The following LDB3 variants were observed in gnomAD, a reference collection of about 807,000 sequenced individuals.
The protein encoded by LDB3 is LIM domain-binding protein 3.
In LDB3, 49 loss-of-function variants were observed where a neutral mutation model predicts 69.0. That is an observed-to-expected ratio of 0.71 (90% confidence interval 0.56 to 0.90). The LOEUF (loss-of-function observed/expected upper bound fraction) is 0.90. LDB3 is among the 40% of genes least tolerant of loss of function. The probability of loss-of-function intolerance (pLI) is 0.00; values close to 1 mark genes in which losing one functional copy is unlikely to be tolerated. For synonymous variants in LDB3, 387 were observed against 396.2 expected (o/e 0.98, Z 0.28); for missense variants, 928 against 974.1 (o/e 0.95, Z 0.63).
chr10:86,692,662 C>T, intron 7 of LDB3, 91 bp downstream of exon 7: 1 of 1,152,374 alleles, frequency 8.7e-7, no homozygotes, highest in South Asian at 1.2e-5. Context: ...TGGAAGGGAC[C>T]TCTCAAGTTC....
intron 7 of LDB3, among the ~76,000 whole-genome samples, chr10:86,693,236 G>T (rs984224572): frequency 5.9e-5 from 9 of 152,320 alleles, no homozygotes; most frequent in South Asian, 2.1e-4. Context: ...GTGGGCATGG[G>T]GGGGGGCATG....
chr10:86,685,204 G>C (rs1845400284), intron 5 of LDB3, among the ~76,000 whole-genome samples: 1 of 152,184 alleles, frequency 6.6e-6, no homozygotes, highest in South Asian at 2.1e-4. Flanking sequence ...TGCCTGCTCA[G>C]GACAGAATTC....
chr10:86,700,217 G>A (rs1265022102), intron 7 of LDB3, among the ~76,000 whole-genome samples: 3 of 152,136 alleles, frequency 2.0e-5, no homozygotes, highest in South Asian at 2.1e-4. Context: ...CTGCCCCACA[G>A]GTTCCGAGCC....
At chr10:86,728,586 G>GTTTTTTTTTTTTGTTT (rs1554868911) in intron 13 of LDB3, among the ~76,000 whole-genome samples, 86 of 131,438 alleles carry the variant, frequency 6.5e-4, no homozygotes, top group East Asian at 4.4e-3. Flanking sequence ...TGGTTCTTTT[G>GTTTTTTTTTTTTGTTT]TTTTTTTTTT....
intron 7 of LDB3, among the ~76,000 whole-genome samples, chr10:86,704,395 T>C (rs1003283832): frequency 6.6e-6 from 1 of 151,946 alleles, no homozygotes; most frequent in Non-Finnish European, 1.5e-5. Flanking sequence ...GTTTAAATGA[T>C]AAAATTGAGT....
In LDB3 at chr10:86,704,049, G is replaced by A. The variant is rs1846353132; in HGVS notation, c.897-2482G>A. Among the ~76,000 whole-genome samples the A allele has an allele frequency of 3.9e-5, 6 of 152,146 alleles. No homozygotes were observed. In the South Asian group the frequency reaches 1.3e-3, roughly 32 times the overall value. On this transcript the variant is annotated intron_variant, in intron 7 of 13. Transcript: ENST00000361373. The stretch of plus-strand genomic sequence containing the variant: ...GAATTGTATGAACCTGGGAGGCAGA[G>A]GTTGCAGTGAGCCGAGATCGCGACA...
In LDB3 at chr10:86,702,012, C is replaced by T. The variant is rs533141971; in HGVS notation, c.897-4519C>T. Reference sequence around the variant, plus strand: ...AATGGCAATGTGGGCCCTGGAGTTGCATGGAGCATTCCTGGGGCAAAGTGA... The same window carrying T: ...AATGGCAATGTGGGCCCTGGAGTTGTATGGAGCATTCCTGGGGCAAAGTGA... On this transcript the variant is annotated intron_variant, in intron 7 of 13. Transcript: ENST00000361373. Among the ~76,000 whole-genome samples the T allele has an allele frequency of 1.5e-3, 236 of 152,300 alleles. 3 individuals are homozygous for T. Among genetic ancestry groups the T allele is most frequent in the Non-Finnish European group, 4.9e-4 (33 of 68,024 alleles).
At chr10:86,686,092 G>A (rs980108989) in intron 5 of LDB3, among the ~76,000 whole-genome samples, 2 of 152,138 alleles carry the variant, frequency 1.3e-5, no homozygotes, top group South Asian at 2.1e-4. Context: ...TTGTCTGCCC[G>A]GGGAGCGCAC....
At chr10:86,667,672 T>C (rs577237983), upstream of LDB3, among the ~76,000 whole-genome samples, 2 of 152,350 alleles carry the variant, frequency 1.3e-5, no homozygotes, top group South Asian at 4.1e-4. Context: ...GAGCTTTCCA[T>C]GCTGCCGTCA....
At chr10:86,710,463 A>G (rs375731811) in intron 9 of LDB3, among the ~76,000 whole-genome samples, 4 of 152,268 alleles carry the variant, frequency 2.6e-5, no homozygotes, top group African/African-American at 9.6e-5. Context: ...GGTGGCACCC[A>G]CCTGTAATCC....
chr10:86,724,846 C>T (rs1847203555), intron 12 of LDB3, among the ~76,000 whole-genome samples: 1 of 152,070 alleles, frequency 6.6e-6, no homozygotes, highest in Non-Finnish European at 1.5e-5. Context: ...CTCAAAACCC[C>T]ATGAGTTCGG....
In LDB3 at chr10:86,699,880, T is replaced by C. The variant is rs998892825; in HGVS notation, c.897-6651T>C. ...TCAGGGCAGCCCGGAATAGGGCTCT[T>C]TGAAGAGGAAGTAGAAGCCCCAGGG... On this transcript the variant is annotated intron_variant, in intron 7 of 13. Transcript: ENST00000361373. The surrounding 1 kb of genome is among the most constrained non-coding windows in gnomAD (Gnocchi z 4.9). The C allele has an allele frequency of 4.6e-5, 47 of 1,011,850 alleles. No individual in the cohort carries two copies. Among genetic ancestry groups the C allele is most frequent in the Admixed American group, 1.0e-4 (2 of 19,516 alleles). 62.7% of individuals were successfully genotyped at this position (1,011,850 alleles called of 1,614,324 possible). A position where few individuals can be genotyped will look rare whatever the true frequency, so the allele number is the denominator to read the frequency against.
chr10:86,721,726 A>G (rs1847089722), intron 12 of LDB3, among the ~76,000 whole-genome samples: 1 of 152,160 alleles, frequency 6.6e-6, no homozygotes, highest in Non-Finnish European at 1.5e-5. Context: ...CCCACCCCAG[A>G]TCTGGTGAAT....
intron 2 of LDB3, 69 bp downstream of exon 2, chr10:86,668,853 G>A (rs554685232): frequency 2.3e-5 from 26 of 1,130,716 alleles, no homozygotes; most frequent in South Asian, 6.4e-5. Flanking sequence ...ATGTGTGTCC[G>A]TCTGTCTGTC....
chr10:86,685,521 G>A (rs1845418100), intron 5 of LDB3, among the ~76,000 whole-genome samples: 1 of 152,208 alleles, frequency 6.6e-6, no homozygotes, highest in Non-Finnish European at 1.5e-5. Context: ...TCCCGGCTCT[G>A]AGTTCTCCCT....
At chr10:86,726,379 T>C in intron 13 of LDB3, 127 bp downstream of exon 13, 4 of 739,372 alleles carry the variant, frequency 5.4e-6, no homozygotes, top group Non-Finnish European at 9.7e-6. Flanking sequence ...TTTTAAAAGC[T>C]GGCAAACACC....
intron 2 of LDB3, among the ~76,000 whole-genome samples, chr10:86,673,822 G>C (rs1844619649): frequency 6.6e-6 from 1 of 152,230 alleles, no homozygotes; most frequent in South Asian, 2.1e-4. Context: ...AGAGGAGGAA[G>C]GCAGGGGCCT....
intron 9 of LDB3, among the ~76,000 whole-genome samples, chr10:86,713,065 AAT>A (rs138161930): frequency 0.24 from 34,894 of 148,312 alleles, 4,498 homozygotes; most frequent in East Asian, 0.6. Context: ...CCGTCTCAAA[AAT>A]ATATATATAT....
chr10:86,732,351 T>C (rs1202114019), intron 13 of LDB3: 3 of 361,856 alleles, frequency 8.3e-6, no homozygotes, highest in Admixed American at 7.7e-5. Flanking sequence ...TTCCATTAAA[T>C]TTAATTAATT....
Sources: gnomAD v4.1 joint callset for allele counts (sites outside exome capture counted in the v4.1 genomes callset) on GRCh38, gnomAD v4.1.1 for gene constraint, Gnocchi (gnomAD v3.1) non-coding constraint, MANE v1.5 for transcripts, NCBI Gene and HGNC (gene_info 2026-07-23, HGNC 2026-07-21) for gene names.